Variants in WDR11 observed in about 807,000 individuals in gnomAD.
The protein encoded by WDR11 is WD repeat domain 11.
WDR11 carries 83 observed loss-of-function variants against 151.2 expected under a neutral mutation model. The ratio of observed to expected loss-of-function variants is 0.55; its 90% CI spans 0.46 to 0.66. The LOEUF (loss-of-function observed/expected upper bound fraction) is 0.66. Among genes scored for constraint, WDR11 ranks in the 30% least tolerant of loss-of-function variants. WDR11 has a pLI of 0.00. For missense variants in WDR11, 1,301 were observed against 1,480.9 expected (o/e 0.88, Z 1.99); for synonymous variants, 484 against 533.1 (o/e 0.91, Z 1.27).
intron 28 of WDR11, chr10:120,907,956 A>T (rs1848127846): frequency 6.4e-6 from 1 of 155,306 alleles, no homozygotes; most frequent in African/African-American, 2.4e-5. Context: ...AAAGTTTTTT[A>T]AAATTAAACT....
At chr10:120,853,680 TAGG>T in intron 2 of WDR11, among the ~76,000 whole-genome samples, 1 of 152,282 alleles carries the variant, frequency 6.6e-6, no homozygotes, top group Non-Finnish European at 1.5e-5. Flanking sequence ...TAAGATCATT[TAGG>T]AGATTTCTGC....
intron 12 of WDR11, chr10:120,879,486 G>A (rs1846921565): frequency 6.6e-6 from 1 of 151,912 alleles, no homozygotes; most frequent in African/African-American, 2.4e-5. Context: ...CTGTTGTCTA[G>A]TATCATTGAC....
rs967894455 is a variant in WDR11, at chr10:120,900,935, G to A, written c.2625-101G>A. Reference sequence around the variant, plus strand: ...AACCAGGTTTCTAACCAAGAACTACGAAGAAGGTTATCTCTATATTAACAC... The same window carrying A: ...AACCAGGTTTCTAACCAAGAACTACAAAGAAGGTTATCTCTATATTAACAC... On this transcript the variant is annotated intron_variant, in intron 20 of 28. Coordinates refer to ENST00000263461, the MANE Select transcript of WDR11 (RefSeq NM_018117.12). 11 of 845,092 alleles carry A rather than the reference G, an allele frequency of 1.3e-5. No homozygotes were observed. In the African/African-American group the frequency reaches 1.3e-4, roughly 10 times the overall value. 52.3% of individuals were successfully genotyped at this position (845,092 alleles called of 1,614,324 possible). A position where few individuals can be genotyped will look rare whatever the true frequency, so the allele number is the denominator to read the frequency against.
At chr10:120,884,224 T>C (rs1847131491) in intron 14 of WDR11, among the ~76,000 whole-genome samples, 1 of 152,048 alleles carries the variant, frequency 6.6e-6, no homozygotes, top group African/African-American at 2.4e-5. Flanking sequence ...GTGGGTGGGG[T>C]TGGCCCTTCC....
intron 1 of WDR11, chr10:120,851,816 C>A (rs983433786): frequency 2.9e-5 from 14 of 489,524 alleles, no homozygotes; most frequent in Non-Finnish European, 4.5e-5. Context: ...TTCCAGGCTT[C>A]TCTCTCTCCA....
chr10:120,856,384 G>C (rs891160839), intron 2 of WDR11, among the ~76,000 whole-genome samples: 4 of 151,912 alleles, frequency 2.6e-5, no homozygotes, highest in Non-Finnish European at 4.4e-5. Context: ...AGACTAGCCT[G>C]GCCAACAAGG....
rs1217226289 is a variant in WDR11 at position 120,852,121 on chromosome 10, G to A, written c.87-403G>A. 47 of 252,728 alleles carry A rather than the reference G, an allele frequency of 1.9e-4. No individual in the cohort carries two copies. In the Admixed American group the frequency reaches 2.1e-3, roughly 11 times the overall value. The allele number at this position is 252,728 out of a possible 1,614,324, so 15.7% of individuals were successfully genotyped here. On this transcript the variant is annotated intron_variant, in intron 1 of 28. Coordinates refer to ENST00000263461, the MANE Select transcript of WDR11 (RefSeq NM_018117.12). ...GGGATGTTGTTAGGAGGACTGAAAC[G>A]TCTTGTGCAGTGTTTGTCGTTTTAT...
At chr10:120,893,953 C>T (rs1190042574) in intron 19 of WDR11, among the ~76,000 whole-genome samples, 1 of 152,078 alleles carries the variant, frequency 6.6e-6, no homozygotes, top group Non-Finnish European at 1.5e-5. Context: ...ATTTTTCTCC[C>T]ATTCTGTAGG....
At chr10:120,890,157 AG>A (rs1847379239) in intron 18 of WDR11, 148 bp downstream of exon 18, 3 of 620,336 alleles carry the variant, frequency 4.8e-6, no homozygotes, top group Non-Finnish European at 8.7e-6. Context: ...TTTACTTTAC[AG>A]TATTTGTGTT....
chr10:120,906,292 G>A (rs1554861853), intron 27 of WDR11: 3 of 1,325,940 alleles, frequency 2.3e-6, no homozygotes, highest in Non-Finnish European at 1.9e-6. Flanking sequence ...TCAGAGAATT[G>A]GGGTCCATTC....
chr10:120,868,908 C>T (rs1846415886), intron 9 of WDR11: 1 of 152,008 alleles, frequency 6.6e-6, no homozygotes, highest in Non-Finnish European at 1.5e-5. Context: ...TATGAGGAAG[C>T]CTGGACACAT....
Position 120,889,181 on chromosome 10 carries a change from C to G in WDR11, c.2225C>G (p.Ser742Cys), listed in dbSNP as rs762657587. The G allele has an allele frequency of 4.4e-6, 7 of 1,588,578 alleles. No individual in the cohort carries two copies. In the African/African-American group the frequency reaches 5.4e-5, roughly 12 times the overall value. ...TTCTGGGACTTGAAAGGCAGAGTAT[C>G]CAGGTATAAGCCAAGAATGAAATCT... ...LNFWDLKGRV[S>C]RGIPTHRSWV... The change falls in exon 17 of 29, where the codon TCC becomes TGC. Residue 742 changes from serine to cysteine, a missense_variant. By Grantham distance (112) the Ser-to-Cys change is moderately radical. Coordinates refer to ENST00000263461, the MANE Select transcript of WDR11 (RefSeq NM_018117.12).
At chr10:120,902,917 C>G (rs1847882592) in intron 22 of WDR11, 138 bp from the exon 23 acceptor site, 7 of 909,780 alleles carry the variant, frequency 7.7e-6, no homozygotes, top group Admixed American at 2.0e-5. Flanking sequence ...CTGCCTCCCC[C>G]TTTCACCCTG....
rs563606549 is a variant in WDR11 at position 120,893,638 on chromosome 10, A to G, written c.2515+2751A>G. Among the ~76,000 whole-genome samples the G allele has an allele frequency of 9.4e-3, 1,417 of 151,426 alleles. 21 individuals are homozygous for G. Among genetic ancestry groups the G allele is most frequent in the African/African-American group, 0.033 (1,356 of 41,246 alleles). On this transcript the variant is annotated intron_variant, in intron 19 of 28. Coordinates refer to ENST00000263461, the MANE Select transcript of WDR11 (RefSeq NM_018117.12). ...TAGTTTACAGTCCCACCAACAGTGT[A>G]AAAGTGTTCCTATTTCTCCACATCC...
intron 11 of WDR11, among the ~76,000 whole-genome samples, chr10:120,877,933 A>C (rs527393491): frequency 6.6e-6 from 1 of 152,326 alleles, no homozygotes; most frequent in South Asian, 2.1e-4. Flanking sequence ...TAAACAGAGA[A>C]AGCCTTTGAA....
intron 27 of WDR11, 190 bp from the exon 28 acceptor site, chr10:120,906,586 C>T (rs1053390146): frequency 6.9e-7 from 1 of 1,444,128 alleles, no homozygotes; most frequent in East Asian, 2.6e-5. Context: ...TTTTAAAAAG[C>T]TTGTGTTTGG....
chr10:120,874,176 G>GTTTTTTTTT lies in WDR11; in HGVS notation c.1556+261_1556+269dup, dbSNP rs66873217. Among the ~76,000 whole-genome samples, 50 of 83,440 alleles carry GTTTTTTTTT rather than the reference G, an allele frequency of 6.0e-4. 3 individuals carry two copies. Among genetic ancestry groups the GTTTTTTTTT allele is most frequent in the African/African-American group, 9.9e-4 (20 of 20,304 alleles). 54.7% of individuals were successfully genotyped at this position (83,440 alleles called of 152,430 possible). On this transcript the variant is annotated intron_variant, in intron 11 of 28. Coordinates refer to ENST00000263461, the MANE Select transcript of WDR11 (RefSeq NM_018117.12). Reference sequence around the variant, plus strand: ...TGCAAAAGTAATTGCGGTTTTTGCAGTTTTTTTTTTTTTTTTGTTGTTGTT... The same window carrying GTTTTTTTTT: ...TGCAAAAGTAATTGCGGTTTTTGCAGTTTTTTTTTTTTTTTTTTTTTTTTTGTTGTTGTT...
rs771686057 is a variant in WDR11, at chr10:120,904,591, A to G, written c.3028-55A>G. ...AGTTTTCTACCTTATGAATTTTAAA[A>G]AGTTATGTTGGAGGAAAATGTTCTC... is the stretch of plus-strand genomic sequence containing the variant. On this transcript the variant is annotated intron_variant, in intron 24 of 28. Transcript: ENST00000263461. 92 of 1,606,192 alleles carry G rather than the reference A, an allele frequency of 5.7e-5. No individual in the cohort carries two copies. The Admixed American group carries it at 8.5e-4, about 15-fold the overall frequency.
intron 20 of WDR11, among the ~76,000 whole-genome samples, chr10:120,900,486 T>C (rs1018076403): frequency 7.2e-5 from 11 of 152,196 alleles, no homozygotes; most frequent in Admixed American, 2.6e-4. Flanking sequence ...GCAGCATCAT[T>C]AGCTTCAGGG....
Sources: allele counts gnomAD v4.1 joint callset (sites outside exome capture counted in the v4.1 genomes callset), GRCh38; gene constraint gnomAD v4.1.1; transcripts MANE v1.5; gene names NCBI Gene and HGNC (gene_info 2026-07-23, HGNC 2026-07-21).